The following MACF1 variants were observed in gnomAD, a reference collection of about 807,000 sequenced individuals.
The protein encoded by MACF1 is microtubule actin crosslinking factor 1, also known as microtubule-actin cross-linking factor 1.
A neutral mutation model predicts 854.8 loss-of-function variants in MACF1; 193 were observed. The observed-to-expected ratio is 0.23, with a 90% CI of 0.20 to 0.25. The LOEUF is 0.25. Ranked by LOEUF, MACF1 falls within the 10% of genes least tolerant of loss-of-function variation. The pLI, the probability that MACF1 is intolerant of heterozygous loss-of-function variation, is 1.00. For synonymous variants in MACF1, 3,185 were observed against 3,226.7 expected, an observed-to-expected ratio of 0.99 and a Z score of 0.44; for missense variants, 7,722 against 8,929.1, an observed-to-expected ratio of 0.86 and a Z score of 5.45.
intron 2 of MACF1, among the ~76,000 whole-genome samples, chr1:39,165,137 G>A (rs1179427910): frequency 6.6e-6 from 1 of 152,186 alleles, no homozygotes; most frequent in Non-Finnish European, 1.5e-5. Flanking sequence ...CTCTGCAGCA[G>A]TTAGGATAGT....
chr1:39,476,579 A>G (rs1469686487), intron 97 of MACF1, among the ~76,000 whole-genome samples: 3 of 152,116 alleles, frequency 2.0e-5, no homozygotes, highest in Admixed American at 6.6e-5. Flanking sequence ...TCAAAAAAAA[A>G]AAAGAAAGAA....
In MACF1 at chr1:39,458,508, T is replaced by C. The variant is rs1379407369; in HGVS notation, c.21196+18T>C. On this transcript the variant is annotated intron_variant, in intron 90 of 100. Coordinates refer to ENST00000564288, the MANE Select transcript of MACF1 (RefSeq NM_001394062.1). Reference sequence around the variant, plus strand: ...CGGAGGCAGTATGTTTCCAGCCCCCTGTGTTAGGATGCTTCATTCCTGCTA... The same window carrying C: ...CGGAGGCAGTATGTTTCCAGCCCCCCGTGTTAGGATGCTTCATTCCTGCTA... 1 of 1,599,250 alleles carries C rather than the reference T, an allele frequency of 6.3e-7. No homozygotes were observed. Among genetic ancestry groups the C allele is most frequent in the South Asian group, 1.1e-5 (1 of 89,430 alleles).
rs1224243389 is a variant in MACF1, at chr1:39,336,214, A to G, written c.9626A>G (p.Asp3209Gly). 1.2e-6 allele frequency: 2 copies of G among 1,613,988 alleles called. No individual in the cohort carries two copies. Among genetic ancestry groups the G allele is most frequent in the Non-Finnish European group, 1.7e-6 (2 of 1,180,024 alleles). ...TATCTAGAATTCTCAGACAGAAAAG[A>G]CCTTCATCATCAGGGCAGCAAAAGT... ...VRYLEFSDRK[D>G]LHHQGSKSDD... Residue 3209 changes from aspartate (D) to glycine (G), a missense_variant, in exon 37 of 101, where the codon GAC (aspartate) becomes GGC (glycine). Physicochemically the swap from Asp to Gly is moderately conservative, Grantham distance 94. Around this residue, in one of 15 missense-constraint regions of MACF1, gnomAD observed 854 missense variants for 852.6 expected, o/e 1.00. Coordinates refer to ENST00000564288, the MANE Select transcript of MACF1 (RefSeq NM_001394062.1).
At position 39,310,339 on chromosome 1, in the gene MACF1, T is replaced by C; in HGVS notation, c.3011T>C (p.Leu1004Pro). The part of the protein sequence containing the change: ...DFLQDSRDSV[L>P]FSVADRLRLE... The stretch of plus-strand genomic sequence containing the variant: ...CTGCAGGATAGTCGTGACTCTGTGC[T>C]GTTCTCAGTGGCTGATCGCTTGCGC... The change falls in exon 25 of 101, where the codon CTG (leucine) becomes CCG (proline). Residue 1004 changes from leucine to proline, a missense_variant. By Grantham distance (98) the Leu-to-Pro change is moderately conservative. Around this residue, in one of 15 missense-constraint regions of MACF1, gnomAD observed 1,137 missense variants for 1,263.0 expected, o/e 0.90. Coordinates refer to ENST00000564288, the MANE Select transcript of MACF1 (RefSeq NM_001394062.1). 1.2e-6 allele frequency: 2 copies of C among 1,614,192 alleles called. No homozygotes were observed.
At chr1:39,088,589 T>A (rs1375873725) in intron 2 of MACF1, among the ~76,000 whole-genome samples, 1 of 152,190 alleles carries the variant, frequency 6.6e-6, no homozygotes, top group Non-Finnish European at 1.5e-5. Context: ...CCTCTGGCTC[T>A]CTGTCTTTAG....
At chr1:39,116,926 C>G (rs964370800) in intron 2 of MACF1, among the ~76,000 whole-genome samples, 3 of 152,102 alleles carry the variant, frequency 2.0e-5, no homozygotes, top group African/African-American at 7.2e-5. Context: ...TACTACTCTC[C>G]CCAGGGCAGT....
intron 58 of MACF1, chr1:39,411,863 C>G (rs1301371264): frequency 6.2e-7 from 1 of 1,613,850 alleles, no homozygotes; most frequent in Admixed American, 1.7e-5. Flanking sequence ...GATTATGATA[C>G]TAGATTGGAT....
At chr1:39,365,839 C>A (rs1330685618) in intron 49 of MACF1, among the ~76,000 whole-genome samples, 2 of 151,954 alleles carry the variant, frequency 1.3e-5, no homozygotes, top group Non-Finnish European at 2.9e-5. Context: ...CCACGCCTGG[C>A]TAATTTTTGT....
chr1:39,316,581 G>C, intron 28 of MACF1, 52 bp downstream of exon 28: 2 of 1,547,370 alleles, frequency 1.3e-6, no homozygotes, highest in South Asian at 2.5e-5. Context: ...TCATTGCTTT[G>C]GGTTAGCAGA....
intron 2 of MACF1, among the ~76,000 whole-genome samples, chr1:39,163,340 C>CAAAAAAAAAAAAAAAAAAAAA (rs11371076): frequency 1.2e-5 from 1 of 80,352 alleles, no homozygotes; most frequent in Non-Finnish European, 2.2e-5. Context: ...AAGACTGTCT[C>CAAAAAAAAAAAAAAAAAAAAA]AAAAAAAAAA....
At chr1:39,240,247 A>G (rs2148320332) in intron 2 of MACF1, among the ~76,000 whole-genome samples, 1 of 152,316 alleles carries the variant, frequency 6.6e-6, no homozygotes, top group African/African-American at 2.4e-5. Flanking sequence ...CGGGCAGTGG[A>G]GTTTAATTTA....
intron 6 of MACF1, among the ~76,000 whole-genome samples, chr1:39,278,244 G>A (rs954055515): frequency 6.6e-6 from 1 of 152,206 alleles, no homozygotes; most frequent in Non-Finnish European, 1.5e-5. Context: ...TCATGTGTGA[G>A]TATACAGAAA....
chr1:39,103,900 G>A (rs575930807), intron 2 of MACF1, among the ~76,000 whole-genome samples: 2 of 152,312 alleles, frequency 1.3e-5, no homozygotes, highest in Admixed American at 6.5e-5. Context: ...ACCTATTAGC[G>A]AAAAGCGTCA....
chr1:39,273,282 G>A (rs933413170), intron 6 of MACF1, among the ~76,000 whole-genome samples: 1 of 151,088 alleles, frequency 6.6e-6, no homozygotes, highest in Non-Finnish European at 1.5e-5. Context: ...GATTACAGGC[G>A]CCCGCCCCCA....
At chr1:39,338,574 A>G (rs920962277) in intron 38 of MACF1, among the ~76,000 whole-genome samples, 2 of 152,232 alleles carry the variant, frequency 1.3e-5, no homozygotes, top group African/African-American at 2.4e-5. Context: ...TAGCCTGGCA[A>G]CTGCTTGTGC....
At chr1:39,186,705 T>C (rs1470558273) in intron 2 of MACF1, among the ~76,000 whole-genome samples, 14 of 152,098 alleles carry the variant, frequency 9.2e-5, no homozygotes, top group Admixed American at 9.2e-4. Flanking sequence ...ACTCCTGGGC[T>C]CAAGGGATCT....
intron 2 of MACF1, among the ~76,000 whole-genome samples, chr1:39,235,828 G>A (rs1003464429): frequency 3.9e-5 from 6 of 152,108 alleles, no homozygotes; most frequent in Admixed American, 2.0e-4. Context: ...TCCAACTCCC[G>A]GGCTCAAGTG....
In MACF1 at chr1:39,204,839, G is replaced by A. The variant is rs990971470; in HGVS notation, c.-184G>A. On this transcript the variant is annotated 5_prime_UTR_variant, in exon 1 of 101. Transcript: ENST00000564288. ...ACAGTTTTAGTCCCAGTCTACTAGCGCCTGCTGAAAAACAGTCAGAAGTGA... is the reference window on the plus strand; with the variant it reads ...ACAGTTTTAGTCCCAGTCTACTAGCACCTGCTGAAAAACAGTCAGAAGTGA... The A allele has an allele frequency of 2.5e-5, 15 of 588,642 alleles. No individual in the cohort carries two copies. The highest frequency in any genetic ancestry group is 1.2e-4 in the Admixed American group (4 of 33,782). 36.5% of individuals were successfully genotyped at this position (588,642 alleles called of 1,614,324 possible).
At chr1:39,145,043 C>T (rs1235850273) in intron 2 of MACF1, among the ~76,000 whole-genome samples, 2 of 151,876 alleles carry the variant, frequency 1.3e-5, no homozygotes, top group African/African-American at 2.4e-5. Flanking sequence ...TTTTTTCTTC[C>T]ACGCCTTTTC....
Sources: gnomAD v4.1 joint callset for allele counts (sites outside exome capture counted in the v4.1 genomes callset) on GRCh38, gnomAD v4.1.1 for gene constraint, gnomAD v4.1.1 regional missense constraint, MANE v1.5 for transcripts, NCBI Gene and HGNC (gene_info 2026-07-23, HGNC 2026-07-21) for gene names.